Variants in SDK1 observed in about 807,000 individuals in gnomAD.
SDK1 encodes protein sidekick-1.
Under a neutral mutation model 245.5 loss-of-function variants are expected in SDK1, and 157 were observed. That is an observed-to-expected ratio of 0.64 (90% CI 0.56 to 0.73). SDK1 has a LOEUF of 0.73. Ranked by LOEUF, SDK1 falls within the 30% of genes least tolerant of loss-of-function variation. The pLI is 0.00. For synonymous variants in SDK1, 1,647 were observed against 1,278.5 expected, an observed-to-expected ratio of 1.29 and a Z score of -6.15; for missense variants, 3,583 against 3,002.3, an observed-to-expected ratio of 1.19 and a Z score of -4.52.
chr7:3,630,041 A>G (rs1422402141), intron 2 of SDK1, among the ~76,000 whole-genome samples: 1 of 152,216 alleles, frequency 6.6e-6, no homozygotes, highest in Non-Finnish European at 1.5e-5. Context: ...TCACAGAAGA[A>G]GATATTAATA....
intron 1 of SDK1, among the ~76,000 whole-genome samples, chr7:3,565,769 T>C (rs1779894124): frequency 6.6e-6 from 1 of 152,190 alleles, no homozygotes. Context: ...ATAATGTAAA[T>C]GCTATGTTAA....
At chr7:3,918,880 A>G (rs1779486778) in intron 5 of SDK1, among the ~76,000 whole-genome samples, 2 of 151,932 alleles carry the variant, frequency 1.3e-5, no homozygotes, top group Non-Finnish European at 2.9e-5. Flanking sequence ...TATTCTTCTC[A>G]TGGACATATT....
chr7:3,536,681 G>A (rs935323526), intron 1 of SDK1, among the ~76,000 whole-genome samples: 4 of 151,590 alleles, frequency 2.6e-5, no homozygotes, highest in Non-Finnish European at 4.4e-5. Flanking sequence ...GCAACAGAGT[G>A]GGACTCTGTC....
At chr7:4,201,768 T>C (rs1386748680) in intron 35 of SDK1, among the ~76,000 whole-genome samples, 1 of 152,156 alleles carries the variant, frequency 6.6e-6, no homozygotes, top group African/African-American at 2.4e-5. Context: ...ACAGGGTGGC[T>C]TTGGCAACAA....
chr7:3,318,921 T>A (rs1583676024), intron 1 of SDK1, among the ~76,000 whole-genome samples: 1 of 152,138 alleles, frequency 6.6e-6, no homozygotes, highest in South Asian at 2.1e-4. Flanking sequence ...AGAACTGAGA[T>A]TTGGATACAG....
At chr7:4,203,173 G>T (rs550214265) in intron 35 of SDK1, among the ~76,000 whole-genome samples, 20 of 152,324 alleles carry the variant, frequency 1.3e-4, no homozygotes, top group African/African-American at 4.3e-4. Context: ...GCCCAGCCAC[G>T]CAAGGCCATC....
intron 43 of SDK1, among the ~76,000 whole-genome samples, chr7:4,243,061 G>A (rs1786630659): frequency 6.6e-6 from 1 of 152,174 alleles, no homozygotes; most frequent in South Asian, 2.1e-4. Context: ...AGTTTTTCCT[G>A]CCGTGTAATA....
chr7:4,033,706 C>T (rs67820803), intron 17 of SDK1, among the ~76,000 whole-genome samples: 47,337 of 151,794 alleles, frequency 0.31, 11,284 homozygotes, highest in African/African-American at 0.68. Context: ...CAGGAGAATA[C>T]GCTCAACCTT....
chr7:4,018,805 A>G (rs1786630229), intron 17 of SDK1, among the ~76,000 whole-genome samples: 1 of 152,204 alleles, frequency 6.6e-6, no homozygotes, highest in Admixed American at 6.5e-5. Flanking sequence ...TGACATGAGC[A>G]AAATGCTGCA....
intron 1 of SDK1, among the ~76,000 whole-genome samples, chr7:3,428,301 G>A (rs142676216): frequency 1.3e-5 from 2 of 152,114 alleles, no homozygotes; most frequent in African/African-American, 2.4e-5. Context: ...ACTGACATTT[G>A]AGTCTTATTA....
chr7:3,694,449 G>A (rs1001774145), intron 4 of SDK1, among the ~76,000 whole-genome samples: 1 of 152,172 alleles, frequency 6.6e-6, no homozygotes, highest in Admixed American at 6.5e-5. Flanking sequence ...CAGCCAAGTT[G>A]TAGTGGACTT....
rs1464009553 is a variant in SDK1, at chr7:4,139,561, A to G, written c.4229-6161A>G. 9.3e-5 allele frequency among the ~76,000 whole-genome samples: 2 copies of G among 21,586 alleles called. 1 individual carries two copies. Among genetic ancestry groups the G allele is most frequent in the Non-Finnish European group, 2.1e-4 (2 of 9,306 alleles). The allele number at this position is 21,586 out of a possible 152,430, so 14.2% of individuals were successfully genotyped here. On this transcript the variant is annotated intron_variant, in intron 28 of 44. Transcript: ENST00000404826. ...TATATATGTGTGTGTATATGTATAT[A>G]TGTGTGTATATGTGTGTGTGTATGT...
intron 5 of SDK1, among the ~76,000 whole-genome samples, chr7:3,858,866 C>CTTTT (rs11464569): frequency 2.3e-5 from 3 of 131,366 alleles, no homozygotes; most frequent in Non-Finnish European, 3.2e-5. Flanking sequence ...TTTCTTTTTT[C>CTTTT]TTTTTTTTTT....
chr7:4,181,203 T>G (rs1782585010), intron 35 of SDK1, among the ~76,000 whole-genome samples: 1 of 152,378 alleles, frequency 6.6e-6, no homozygotes, highest in East Asian at 1.9e-4. Context: ...GTGCTTGTCT[T>G]CCTGTGTCCA....
At chr7:4,004,480 A>G (rs1298549348) in intron 14 of SDK1, among the ~76,000 whole-genome samples, 2 of 152,192 alleles carry the variant, frequency 1.3e-5, no homozygotes, top group Non-Finnish European at 2.9e-5. Flanking sequence ...GCATCAACCA[A>G]ATTACATTTT....
intron 4 of SDK1, among the ~76,000 whole-genome samples, chr7:3,733,633 G>A (rs1457546690): frequency 6.6e-6 from 1 of 152,128 alleles, no homozygotes; most frequent in Admixed American, 6.5e-5. Context: ...TGTCTCACTT[G>A]GCTTTGTTTT....
intron 5 of SDK1, among the ~76,000 whole-genome samples, chr7:3,855,917 A>G (rs1040186268): frequency 1.3e-5 from 2 of 152,262 alleles, no homozygotes; most frequent in Non-Finnish European, 1.5e-5. Flanking sequence ...GCTTCAATTA[A>G]TGAATGGTGA....
intron 22 of SDK1, among the ~76,000 whole-genome samples, chr7:4,108,700 A>C (rs1410477040): frequency 6.6e-6 from 1 of 152,158 alleles, no homozygotes; most frequent in Non-Finnish European, 1.5e-5. Context: ...ACATAAAATT[A>C]ACCATTTTAA....
At chr7:3,740,736 G>A (rs146806450) in intron 4 of SDK1, among the ~76,000 whole-genome samples, 130 of 152,202 alleles carry the variant, frequency 8.5e-4, no homozygotes, top group African/African-American at 2.1e-3. Flanking sequence ...AACAAGATTC[G>A]TCTGTTTTTC....
Sources: allele counts gnomAD v4.1 joint callset (sites outside exome capture counted in the v4.1 genomes callset), GRCh38; gene constraint gnomAD v4.1.1; transcripts MANE v1.5; gene names NCBI Gene and HGNC (gene_info 2026-07-23, HGNC 2026-07-21).